Variants in DMD observed in about 807,000 individuals in gnomAD.
DMD encodes the protein dystrophin, also known as mutant dystrophin.
DMD carries 63 observed loss-of-function variants against 330.1 expected under a neutral mutation model. The ratio of observed to expected loss-of-function variants is 0.19; its 90% confidence interval spans 0.16 to 0.24. DMD has a LOEUF of 0.24. DMD is among the 10% of genes least tolerant of loss of function. The pLI is 1.00. For missense variants in DMD, 3,344 were observed against 2,684.1 expected (o/e 1.25, Z -5.43); for synonymous variants, 1,223 against 959.8 (o/e 1.27, Z -5.07).
intron 9 of DMD, among the ~76,000 whole-genome samples, chrX:32,661,877 G>C (rs1224226951): frequency 9.0e-6 from 1 of 111,213 alleles, no homozygotes; most frequent in Non-Finnish European, 1.9e-5. Flanking sequence ...ATAAAATATA[G>C]ATACAATGAA....
intron 55 of DMD, among the ~76,000 whole-genome samples, chrX:31,569,397 C>T (rs917129039): frequency 7.4e-5 from 8 of 107,663 alleles, no homozygotes; most frequent in East Asian, 2.9e-4. Context: ...CAATTCTGTA[C>T]GTTTAAAAGT....
At chrX:32,519,280 A>G (rs1291651822) in intron 17 of DMD, among the ~76,000 whole-genome samples, 1 of 108,780 alleles carries the variant, frequency 9.2e-6, no homozygotes, top group Non-Finnish European at 1.9e-5. Flanking sequence ...AAAAAAAAAA[A>G]AAAATCAAAC....
At position 32,117,921 on chromosome X, in the gene DMD, AG is replaced by A. The variant is rs1331351044; in HGVS notation, c.6438+98994del. ...GACAACCAGAGAGGCTGGGCAGAAC[AG>A]AATCTCAGAGGGCATGTGGAGCAAC... On this transcript the variant is annotated intron_variant, in intron 44 of 78. Transcript: ENST00000357033. 1.4e-4 allele frequency among the ~76,000 whole-genome samples: 16 copies of A among 111,622 alleles called. 1 individual carries two copies. Among genetic ancestry groups the A allele is most frequent in the Admixed American group, 1.3e-3 (14 of 10,525 alleles).
At chrX:32,654,825 C>T (rs1483717887) in intron 9 of DMD, among the ~76,000 whole-genome samples, 1 of 111,245 alleles carries the variant, frequency 9.0e-6, no homozygotes, top group East Asian at 2.8e-4. Flanking sequence ...GCCTCAATTT[C>T]AGAGCCTGTT....
intron 45 of DMD, among the ~76,000 whole-genome samples, chrX:31,939,612 GT>G (rs749733466): frequency 3.6e-5 from 4 of 110,372 alleles, no homozygotes; most frequent in African/African-American, 9.9e-5. Context: ...GAGGATTAAA[GT>G]TTTTTTTGCA....
In DMD at chrX:32,579,748, T is replaced by C. The variant is rs144540857; in HGVS notation, c.1603-5902A>G. ...ATAAAACGTCAGCAAATACTTGCACTTCCAGATTAAGAACATGTGGCCTTT... is the reference window on the plus strand; with the variant it reads ...ATAAAACGTCAGCAAATACTTGCACCTCCAGATTAAGAACATGTGGCCTTT... On this transcript the variant is annotated intron_variant, in intron 13 of 78. Coordinates refer to ENST00000357033, the MANE Select transcript of DMD (RefSeq NM_004006.3). Among the ~76,000 whole-genome samples, 534 of 113,018 alleles carry C rather than the reference T, an allele frequency of 4.7e-3. 13 individuals carry two copies. Among genetic ancestry groups the C allele is most frequent in the Admixed American group, 0.046 (491 of 10,690 alleles).
chrX:31,681,964 C>T (rs1053587449), intron 52 of DMD, among the ~76,000 whole-genome samples: 1 of 111,397 alleles, frequency 9.0e-6, no homozygotes, highest in Non-Finnish European at 1.9e-5. Flanking sequence ...GCCTGTAATC[C>T]CAGCTACTCA....
In DMD at chrX:31,875,196, C is replaced by T. The variant is rs773374045; in HGVS notation, c.7090G>A (p.Asp2364Asn). 7.5e-6 allele frequency: 9 copies of T among 1,204,971 alleles called. No individual in the cohort carries two copies. Among genetic ancestry groups the T allele is most frequent in the Admixed American group, 2.2e-5 (1 of 45,275 alleles). ...AGCAAAAAGTTCCCTACCTTAACGT[C>T]AAATGGTCCTTCTTGGTTTGGTTGG... ...YNQPNQEGPF[D>N]VKETEIAVQA... The change falls in exon 48 of 79, where the codon GAC becomes AAC. Residue 2364 changes from aspartate to asparagine, a missense_variant. Transcript: ENST00000357033.
chrX:32,172,253 T>C (rs1014364045), intron 44 of DMD, among the ~76,000 whole-genome samples: 16 of 111,915 alleles, frequency 1.4e-4, no homozygotes, highest in African/African-American at 5.2e-4. Context: ...AGCAAAGTCT[T>C]ATAAAAAATT....
In DMD at chrX:31,834,585, G is replaced by A. The variant is rs182817430; in HGVS notation, c.7200+2133C>T. Among the ~76,000 whole-genome samples, 646 of 111,247 alleles carry A rather than the reference G, an allele frequency of 5.8e-3. 4 individuals carry two copies. The highest frequency in any genetic ancestry group is 0.02 in the African/African-American group (609 of 30,611). The stretch of plus-strand genomic sequence containing the variant: ...CTCCCAAGTAGCTGGGATTACAGGC[G>A]CCTGCCACCACAGCTGGCTCATTTT... On this transcript the variant is annotated intron_variant, in intron 49 of 78. Coordinates refer to ENST00000357033, the MANE Select transcript of DMD (RefSeq NM_004006.3).
intron 41 of DMD, among the ~76,000 whole-genome samples, chrX:32,316,992 C>T (rs1490794440): frequency 2.7e-5 from 3 of 111,101 alleles, no homozygotes; most frequent in Non-Finnish European, 5.7e-5. Context: ...TCCAGGTACT[C>T]ATTCAGATTA....
chrX:32,839,341 G>A (rs1018980792), intron 4 of DMD, among the ~76,000 whole-genome samples: 1 of 111,530 alleles, frequency 9.0e-6, no homozygotes, highest in African/African-American at 3.3e-5. Flanking sequence ...TGCTCATATA[G>A]GAACTGAACC....
intron 64 of DMD, among the ~76,000 whole-genome samples, chrX:31,220,436 A>T (rs2045885129): frequency 8.9e-6 from 1 of 111,901 alleles, no homozygotes. Flanking sequence ...CCGCAACTTT[A>T]TGCTGACATC....
chrX:31,394,364 T>C (rs2060816603), intron 60 of DMD, among the ~76,000 whole-genome samples: 1 of 112,834 alleles, frequency 8.9e-6, no homozygotes, highest in Non-Finnish European at 1.9e-5. Flanking sequence ...ATATCCATTC[T>C]TGTTCCATTG....
chrX:32,091,045 T>G (rs2096470964), intron 44 of DMD, among the ~76,000 whole-genome samples: 1 of 112,581 alleles, frequency 8.9e-6, no homozygotes, highest in Non-Finnish European at 1.9e-5. Flanking sequence ...CATTTTTTTA[T>G]GCCACACATC....
intron 44 of DMD, among the ~76,000 whole-genome samples, chrX:32,121,139 G>A (rs1018286801): frequency 1.8e-5 from 2 of 112,058 alleles, no homozygotes; most frequent in Non-Finnish European, 3.8e-5. Flanking sequence ...CATACAAAAC[G>A]TTTGCTCCTT....
intron 47 of DMD, among the ~76,000 whole-genome samples, chrX:31,899,843 T>A (rs1251189932): frequency 5.4e-5 from 6 of 111,195 alleles, no homozygotes; most frequent in Non-Finnish European, 1.1e-4. Context: ...TTTCTATTTA[T>A]AATATAGAAA....
intron 2 of DMD, among the ~76,000 whole-genome samples, chrX:32,928,138 T>C (rs1188970056): frequency 9.0e-6 from 1 of 111,210 alleles, no homozygotes; most frequent in African/African-American, 3.3e-5. Flanking sequence ...ATATTAGAAA[T>C]GCTGGCATGT....
rs193196594 is a variant in DMD, at chrX:32,776,285, C to A, written c.649+33208G>T. Among the ~76,000 whole-genome samples, 273 of 100,852 alleles carry A rather than the reference C, an allele frequency of 2.7e-3. 1 individual carries two copies. Among genetic ancestry groups the A allele is most frequent in the African/African-American group, 8.6e-3 (251 of 29,293 alleles). 87.6% of individuals were successfully genotyped at this position (100,852 alleles called of 115,157 possible). A position where few individuals can be genotyped will look rare whatever the true frequency, so the allele number is the denominator to read the frequency against. ...CTCATCTTTCTGTCTTCTTCTGACC[C>A]CCCCCCCAAATTGTTCCAACCTCTG... is the stretch of plus-strand genomic sequence containing the variant. On this transcript the variant is annotated intron_variant, in intron 7 of 78. Transcript: ENST00000357033.
Sources: gnomAD v4.1 joint callset for allele counts (sites outside exome capture counted in the v4.1 genomes callset) on GRCh38, gnomAD v4.1.1 for gene constraint, MANE v1.5 for transcripts, NCBI Gene and HGNC (gene_info 2026-07-23, HGNC 2026-07-21) for gene names.